OCA2: variants seen among roughly 807,000 people sequenced by gnomAD.
OCA2 encodes the protein P protein.
Under a neutral mutation model 100.2 loss-of-function variants are expected in OCA2, and 77 were observed. The observed-to-expected ratio is 0.77, with a 90% CI of 0.64 to 0.93. The LOEUF (loss-of-function observed/expected upper bound fraction) is 0.93. Ranked by LOEUF, OCA2 falls within the 40% of genes least tolerant of loss-of-function variation. OCA2 has a pLI of 0.00. For synonymous variants in OCA2, 432 were observed against 439.2 expected (o/e 0.98, Z 0.21); for missense variants, 1,062 against 1,089.1 (o/e 0.98, Z 0.35).
At chr15:27,831,648 G>A (rs2034961926) in intron 23 of OCA2, among the ~76,000 whole-genome samples, 1 of 152,184 alleles carries the variant, frequency 6.6e-6, no homozygotes, top group Admixed American at 6.5e-5. Flanking sequence ...CCTTCCAGAG[G>A]GAGCGTGTCT....
At position 27,953,640 on chromosome 15, in the gene OCA2, T is replaced by C. The variant is rs532968656; in HGVS notation, c.1842+1518A>G. On this transcript the variant is annotated intron_variant, in intron 17 of 23. Transcript: ENST00000354638. ...GATTGGAGGTGGAGGAGTAGGCAGG[T>C]CAAAGAGCATTCCAGCATCCTGCAG... Among the ~76,000 whole-genome samples, 297 of 152,290 alleles carry C rather than the reference T, an allele frequency of 2.0e-3. 1 individual carries two copies. The highest frequency in any genetic ancestry group is 7.0e-3 in the African/African-American group (290 of 41,564).
chr15:27,960,618 A>ATCTATCTC (rs886444799), intron 15 of OCA2, among the ~76,000 whole-genome samples: 3 of 151,514 alleles, frequency 2.0e-5, no homozygotes, highest in African/African-American at 7.3e-5. Context: ...CTATCTATCT[A>ATCTATCTC]TGTATCTATG....
chr15:27,781,247 A>C (rs2032525106), intron 23 of OCA2, among the ~76,000 whole-genome samples: 1 of 152,230 alleles, frequency 6.6e-6, no homozygotes, highest in Admixed American at 6.5e-5. Flanking sequence ...GGGTGTTGGA[A>C]GGCAGCTACC....
At chr15:28,088,486 T>C (rs535641458) in intron 1 of OCA2, among the ~76,000 whole-genome samples, 29 of 152,140 alleles carry the variant, frequency 1.9e-4, no homozygotes, top group Non-Finnish European at 3.8e-4. Flanking sequence ...CCAAGAAACA[T>C]TATGGATAAA....
At chr15:27,803,699 A>T (rs1448378600) in intron 23 of OCA2, among the ~76,000 whole-genome samples, 1 of 152,218 alleles carries the variant, frequency 6.6e-6, no homozygotes, top group Admixed American at 6.5e-5. Context: ...ACTTAATGCC[A>T]CTGAACTGAA....
chr15:27,950,262 C>T (rs528822327), intron 18 of OCA2, among the ~76,000 whole-genome samples: 5 of 152,276 alleles, frequency 3.3e-5, no homozygotes, highest in Middle Eastern at 3.4e-3. Flanking sequence ...TATCTGTGAA[C>T]ACCTAATGGA....
At chr15:27,908,924 A>C (rs1331681570) in intron 19 of OCA2, among the ~76,000 whole-genome samples, 1 of 152,182 alleles carries the variant, frequency 6.6e-6, no homozygotes, top group Non-Finnish European at 1.5e-5. Context: ...AATGGTGGGA[A>C]TACTTCTGAA....
intron 23 of OCA2, among the ~76,000 whole-genome samples, chr15:27,804,384 G>A (rs112410788): frequency 3.1e-4 from 47 of 152,304 alleles, no homozygotes; most frequent in African/African-American, 1.1e-3. Flanking sequence ...CATGTTTTGA[G>A]TGTTGGGTTC....
Position 27,754,979 on chromosome 15 carries a change from A to T in OCA2, c.*409T>A, listed in dbSNP as rs2030223035. On this transcript the variant is annotated 3_prime_UTR_variant, in exon 24 of 24. Coordinates refer to ENST00000354638, the MANE Select transcript of OCA2 (RefSeq NM_000275.3). ...CAGAAAGCATACAATTTGAATGCTG[A>T]TTATTTTAACATGAAAAGTGATTAC... 2 of 246,374 alleles carry T rather than the reference A, an allele frequency of 8.1e-6. No homozygotes were observed. Among genetic ancestry groups the T allele is most frequent in the Admixed American group, 9.8e-5 (2 of 20,420 alleles). The allele number at this position is 246,374 out of a possible 1,614,324, so 15.3% of individuals were successfully genotyped here. A position where few individuals can be genotyped will look rare whatever the true frequency, so the allele number is the denominator to read the frequency against.
chr15:28,016,092 C>T lies in OCA2; in HGVS notation c.890+12G>A, dbSNP rs1334737126. On this transcript the variant is annotated intron_variant, in intron 8 of 23. Coordinates refer to ENST00000354638, the MANE Select transcript of OCA2 (RefSeq NM_000275.3). ...AGAGCCTGCCCCAACACCTCACTCA[C>T]TGAGAACTCACCTGGTCAGTACCTC... 2 of 1,612,092 alleles carry T rather than the reference C, an allele frequency of 1.2e-6. No homozygotes were observed. Among genetic ancestry groups the T allele is most frequent in the Non-Finnish European group, 1.7e-6 (2 of 1,178,242 alleles).
At chr15:28,014,675 G>A in intron 9 of OCA2, 101 bp downstream of exon 9, 1 of 1,287,758 alleles carries the variant, frequency 7.8e-7, no homozygotes, top group Non-Finnish European at 1.1e-6. Flanking sequence ...AGTCCAGTTT[G>A]ATTAAGGAGT....
chr15:27,759,825 G>C (rs28614106), intron 23 of OCA2, among the ~76,000 whole-genome samples: 2 of 152,008 alleles, frequency 1.3e-5, no homozygotes, highest in South Asian at 2.1e-4. Flanking sequence ...ATTCAGCAGA[G>C]AGAACTCAAC....
chr15:27,759,884 C>A (rs938283674), intron 23 of OCA2, among the ~76,000 whole-genome samples: 2 of 152,070 alleles, frequency 1.3e-5, no homozygotes, highest in African/African-American at 4.8e-5. Flanking sequence ...GTGCTCCAGC[C>A]AACAACAGCA....
At chr15:27,766,669 G>C (rs2031286723) in intron 23 of OCA2, among the ~76,000 whole-genome samples, 1 of 152,090 alleles carries the variant, frequency 6.6e-6, no homozygotes, top group Non-Finnish European at 1.5e-5. Flanking sequence ...CTTTGGCTAG[G>C]TCCTCACCAC....
intron 23 of OCA2, among the ~76,000 whole-genome samples, chr15:27,768,427 C>T (rs566067696): frequency 1.3e-5 from 2 of 152,284 alleles, no homozygotes; most frequent in South Asian, 2.1e-4. Flanking sequence ...ACTGTGTTCC[C>T]GACTAGCCGC....
intron 14 of OCA2, among the ~76,000 whole-genome samples, chr15:27,978,427 C>T (rs12442009): frequency 0.2 from 30,129 of 152,012 alleles, 4,549 homozygotes; most frequent in East Asian, 0.85. Flanking sequence ...TTATCTATTC[C>T]TCCTGCAGTA....
chr15:28,038,683 G>A lies in OCA2; in HGVS notation c.228-6520C>T, dbSNP rs533297111. Among the ~76,000 whole-genome samples, 3 of 152,328 alleles carry A rather than the reference G, an allele frequency of 2.0e-5. No homozygotes were observed. The South Asian group carries it at 6.2e-4, about 32-fold the overall frequency. On this transcript the variant is annotated intron_variant, in intron 2 of 23. Coordinates refer to ENST00000354638, the MANE Select transcript of OCA2 (RefSeq NM_000275.3). ...AAAAAACACAAACATGATCAAGCAA[G>A]ATGCATGCTCAGAAAACATCTGAGA...
intron 2 of OCA2, among the ~76,000 whole-genome samples, chr15:28,058,779 C>T (rs76376734): frequency 0.014 from 2,177 of 152,368 alleles, 20 homozygotes; most frequent in Middle Eastern, 0.034. Context: ...CAGCTCCTCC[C>T]TTGCAGGCAA....
chr15:28,053,589 C>A (rs990850630), intron 2 of OCA2, among the ~76,000 whole-genome samples: 7 of 152,224 alleles, frequency 4.6e-5, no homozygotes, highest in African/African-American at 1.7e-4. Context: ...TCCCTCCAGG[C>A]TCCCAAAACA....
Sources: gnomAD v4.1 joint callset for allele counts (sites outside exome capture counted in the v4.1 genomes callset) on GRCh38, gnomAD v4.1.1 for gene constraint, MANE v1.5 for transcripts, NCBI Gene and HGNC (gene_info 2026-07-23, HGNC 2026-07-21) for gene names.